Variants in ADD3 observed in about 807,000 individuals in gnomAD.
ADD3 encodes gamma-adducin.
In ADD3, 25 loss-of-function variants were observed where a neutral mutation model predicts 80.2. That is an observed-to-expected ratio of 0.31 (90% CI 0.23 to 0.44). The LOEUF (loss-of-function observed/expected upper bound fraction) is 0.44. ADD3 is among the 20% of genes least tolerant of loss of function. The pLI is 1.00. For synonymous variants in ADD3, 284 were observed against 289.6 expected (o/e 0.98, Z 0.20); for missense variants, 829 against 847.5 (o/e 0.98, Z 0.27).
At chr10:110,081,522 G>GTCT in intron 1 of ADD3, among the ~76,000 whole-genome samples, 1 of 152,218 alleles carries the variant, frequency 6.6e-6, no homozygotes, top group South Asian at 2.1e-4. Context: ...AGGTCTTAAT[G>GTCT]TCTTAGTACA....
At chr10:110,014,775 C>T (rs773419572) in intron 1 of ADD3, among the ~76,000 whole-genome samples, 1 of 151,940 alleles carries the variant, frequency 6.6e-6, no homozygotes, top group Non-Finnish European at 1.5e-5. Flanking sequence ...GATCCACCCG[C>T]CTCGGCCTCC....
At position 110,098,135 on chromosome 10, in the gene ADD3, A is replaced by G. The variant is rs565778062; in HGVS notation, c.-29-2490A>G. Among the ~76,000 whole-genome samples, 10 of 152,276 alleles carry G rather than the reference A, an allele frequency of 6.6e-5. No homozygotes were observed. In the South Asian group the frequency reaches 1.9e-3, roughly 28 times the overall value. Reference sequence around the variant, plus strand: ...GAGTACTGGCCAGTTGTTTTGTACAATGATCCTCAATTTAAGGCAGTCAAT... The same window carrying G: ...GAGTACTGGCCAGTTGTTTTGTACAGTGATCCTCAATTTAAGGCAGTCAAT... On this transcript the variant is annotated intron_variant, in intron 1 of 14. Transcript: ENST00000356080.
At chr10:110,116,200 A>G in intron 3 of ADD3, 59 bp from the exon 4 acceptor site, 1 of 1,579,242 alleles carries the variant, frequency 6.3e-7, no homozygotes, top group Non-Finnish European at 8.6e-7. Context: ...CCTGGCAACT[A>G]ATTTCCAGGT....
At chr10:110,047,645 C>T (rs1857045417) in intron 1 of ADD3, among the ~76,000 whole-genome samples, 1 of 152,110 alleles carries the variant, frequency 6.6e-6, no homozygotes, top group African/African-American at 2.4e-5. Context: ...AGAAACTTGT[C>T]ATGCTACTTA....
At chr10:110,032,723 A>G (rs1855192327) in intron 1 of ADD3, among the ~76,000 whole-genome samples, 1 of 152,334 alleles carries the variant, frequency 6.6e-6, no homozygotes, top group African/African-American at 2.4e-5. Flanking sequence ...TCGCTATTCT[A>G]TTAATACTTC....
intron 1 of ADD3, among the ~76,000 whole-genome samples, chr10:110,041,378 G>T (rs1303134265): frequency 6.6e-6 from 1 of 152,156 alleles, no homozygotes; most frequent in East Asian, 1.9e-4. Flanking sequence ...CCTTTTTATA[G>T]CCACAATCCA....
intron 1 of ADD3, among the ~76,000 whole-genome samples, chr10:110,025,396 G>T (rs1167385289): frequency 6.6e-6 from 1 of 151,992 alleles, no homozygotes; most frequent in Admixed American, 6.6e-5. Context: ...TCTTCAGAGT[G>T]GTGGTAGCCA....
At chr10:110,129,554 G>C (rs1198434066) in intron 12 of ADD3, among the ~76,000 whole-genome samples, 3 of 152,172 alleles carry the variant, frequency 2.0e-5, no homozygotes, top group African/African-American at 7.2e-5. Flanking sequence ...TTCCTATTCA[G>C]ACTTTGAACA....
intron 1 of ADD3, among the ~76,000 whole-genome samples, chr10:110,055,624 C>T (rs1332894362): frequency 6.6e-6 from 1 of 152,082 alleles, no homozygotes. Context: ...GCTCAATTGT[C>T]TAAGAACAAA....
chr10:110,074,099 A>G (rs1845103122), intron 1 of ADD3, among the ~76,000 whole-genome samples: 2 of 152,176 alleles, frequency 1.3e-5, no homozygotes, highest in Admixed American at 1.3e-4. Flanking sequence ...CATCAGCCAA[A>G]GATTAAACTT....
At chr10:110,105,720 C>A (rs116692212) in intron 2 of ADD3, among the ~76,000 whole-genome samples, 2,759 of 152,132 alleles carry the variant, frequency 0.018, 84 homozygotes, top group African/African-American at 0.062. Flanking sequence ...TATTTTGATG[C>A]GAGGAGAAAC....
chr10:110,042,114 G>A (rs1856439797), intron 1 of ADD3, among the ~76,000 whole-genome samples: 1 of 152,122 alleles, frequency 6.6e-6, no homozygotes, highest in Non-Finnish European at 1.5e-5. Flanking sequence ...AATAAACTTT[G>A]TGATTAGATC....
At chr10:110,053,573 T>G (rs1175561502) in intron 1 of ADD3, among the ~76,000 whole-genome samples, 1 of 152,152 alleles carries the variant, frequency 6.6e-6, no homozygotes, top group Non-Finnish European at 1.5e-5. Flanking sequence ...TGTTATAAAT[T>G]TGTTTTTATA....
At chr10:110,052,604 A>T (rs1048254079) in intron 1 of ADD3, among the ~76,000 whole-genome samples, 1 of 152,244 alleles carries the variant, frequency 6.6e-6, no homozygotes, top group Non-Finnish European at 1.5e-5. Context: ...GTGCCAAAAA[A>T]GTTGGGGACC....
intron 1 of ADD3, among the ~76,000 whole-genome samples, chr10:110,073,133 G>GTTTTTTTTTTTTTTTTTTTTTTTTTTTT (rs1443878675): frequency 9.4e-6 from 1 of 106,490 alleles, no homozygotes. Flanking sequence ...TTGAGTTTTA[G>GTTTTTTTTTTTTTTTTTTTTTTTTTTTT]TTTTCTTTTT....
At chr10:110,052,241 C>A (rs543608612) in intron 1 of ADD3, among the ~76,000 whole-genome samples, 1 of 152,222 alleles carries the variant, frequency 6.6e-6, no homozygotes, top group East Asian at 1.9e-4. Flanking sequence ...GTAGTAGGTA[C>A]CCCCTCCCTC....
intron 1 of ADD3, among the ~76,000 whole-genome samples, chr10:110,009,874 G>A (rs1392300592): frequency 6.6e-6 from 1 of 152,186 alleles, no homozygotes; most frequent in South Asian, 2.1e-4. Flanking sequence ...GACATTCAAT[G>A]TATTGCTACA....
At chr10:110,037,369 C>T (rs1358503714) in intron 1 of ADD3, among the ~76,000 whole-genome samples, 1 of 152,158 alleles carries the variant, frequency 6.6e-6, no homozygotes, top group African/African-American at 2.4e-5. Context: ...CTTTGGGAGG[C>T]CGAGGCAGGC....
At chr10:110,086,954 G>T (rs1307666275) in intron 1 of ADD3, among the ~76,000 whole-genome samples, 1 of 152,180 alleles carries the variant, frequency 6.6e-6, no homozygotes, top group Non-Finnish European at 1.5e-5. Flanking sequence ...TCTCCAATGT[G>T]AGCAGAATAG....
Sources: allele counts gnomAD v4.1 joint callset (sites outside exome capture counted in the v4.1 genomes callset), GRCh38; gene constraint gnomAD v4.1.1; transcripts MANE v1.5; gene names NCBI Gene and HGNC (gene_info 2026-07-23, HGNC 2026-07-21).